The following ATP12A variants were observed in gnomAD, a reference collection of about 807,000 sequenced individuals.
The protein encoded by ATP12A is potassium-transporting ATPase alpha chain 2.
A neutral mutation model predicts 111.2 loss-of-function variants in ATP12A; 81 were observed. That is an observed-to-expected ratio of 0.73 (90% confidence interval 0.61 to 0.88). The LOEUF is 0.88. Among genes scored for constraint, ATP12A ranks in the 40% least tolerant of loss-of-function variants. ATP12A has a pLI of 0.00. For missense variants in ATP12A, 1,196 were observed against 1,313.1 expected, an observed-to-expected ratio of 0.91 and a Z score of 1.38; for synonymous variants, 498 against 499.8, an observed-to-expected ratio of 1.00 and a Z score of 0.05.
intron 2 of ATP12A, among the ~76,000 whole-genome samples, chr13:24,683,616 G>T (rs1166178552): frequency 6.6e-6 from 1 of 152,188 alleles, no homozygotes; most frequent in Non-Finnish European, 1.5e-5. Flanking sequence ...TCTATCATGA[G>T]AGACATTTAA....
chr13:24,698,287 A>T (rs1875251226), intron 11 of ATP12A, among the ~76,000 whole-genome samples: 1 of 152,086 alleles, frequency 6.6e-6, no homozygotes. Context: ...TTTGGGTCTG[A>T]AAGACGGCTG....
At position 24,692,476 on chromosome 13, in the gene ATP12A, G is replaced by A. The variant is rs754694161; in HGVS notation, c.1116G>A (p.Leu372=). ...TAKRMAKKNC[L]VKNLEAVETL... ...AACGGATGGCCAAGAAGAACTGCCT[G>A]GTGAAGAACCTGGAGGCTGTGGAGA... Residue 372 remains leucine, a synonymous_variant, in exon 9 of 23, where the codon CTG becomes CTA. Coordinates refer to ENST00000381946, the MANE Select transcript of ATP12A (RefSeq NM_001676.7). The A allele has an allele frequency of 3.1e-6, 5 of 1,614,034 alleles. No individual in the cohort carries two copies.
At chr13:24,708,671 T>C (rs1875771510) in intron 17 of ATP12A, among the ~76,000 whole-genome samples, 1 of 151,846 alleles carries the variant, frequency 6.6e-6, no homozygotes, top group Non-Finnish European at 1.5e-5. Flanking sequence ...GCTCAGGAGT[T>C]TGAGTCCAGC....
Position 24,681,620 on chromosome 13 carries a change from A to T in ATP12A, c.68A>T (p.Asp23Val). The change falls in exon 2 of 23, where the codon GAC (aspartate) becomes GTC (valine). Residue 23 changes from aspartate to valine, a missense_variant. Asp to Val is a radical substitution (Grantham distance 152, BLOSUM62 -3). Around this residue, in one of 3 missense-constraint regions of ATP12A, gnomAD observed 67 missense variants for 64.0 expected, o/e 1.05. Transcript: ENST00000381946. The part of the protein sequence containing the change: ...LSGTKDIVKT[D>V]KGDGKEKYRG... ...GGAACTAAGGACATCGTGAAAACAGACAAGGGGGATGGCAAGGAGAAGTAT... is the reference window on the plus strand; with the variant it reads ...GGAACTAAGGACATCGTGAAAACAGTCAAGGGGGATGGCAAGGAGAAGTAT... 2 of 1,614,220 alleles carry T rather than the reference A, an allele frequency of 1.2e-6. No individual in the cohort carries two copies. Among genetic ancestry groups the T allele is most frequent in the African/African-American group, 2.7e-5 (2 of 75,064 alleles).
At chr13:24,688,995 AGC>A (rs1874769337) in intron 4 of ATP12A, among the ~76,000 whole-genome samples, 1 of 152,046 alleles carries the variant, frequency 6.6e-6, no homozygotes, top group Non-Finnish European at 1.5e-5. Flanking sequence ...ATGGGACAGG[AGC>A]AGGGAGTGAC....
rs780560104 is a variant in ATP12A, at chr13:24,707,109, A to G, written c.2256A>G (p.Ala752=). 6.2e-7 allele frequency: 1 copy of G among 1,614,142 alleles called. No homozygotes were observed. ...KADIGIAMGI[A]GSDAAKNAAD... ...ACATTGGGATTGCCATGGGGATAGC[A>G]GGTTCTGATGCAGCCAAAAATGCAG... The change falls in exon 16 of 23, where the codon GCA becomes GCG. Residue 752 remains alanine (A), a synonymous_variant. Coordinates refer to ENST00000381946, the MANE Select transcript of ATP12A (RefSeq NM_001676.7).
rs1048068565 is a variant in ATP12A, at chr13:24,707,419, T to G, written c.2479T>G (p.Leu827Val). 1.2e-6 allele frequency: 2 copies of G among 1,614,200 alleles called. No homozygotes were observed. The highest frequency in any genetic ancestry group is 1.7e-6 in the Non-Finnish European group (2 of 1,180,028). ...CACCATCACCATTCTGTTCATTGAC[T>G]TGGGGACAGACATTGTAAGTGACAC... ...IGTITILFID[L>V]GTDIIPSIAL... Residue 827 changes from leucine to valine, a missense_variant, in exon 17 of 23, where the codon TTG (leucine) becomes GTG (valine). Leu to Val is a conservative substitution (Grantham distance 32). This residue lies in a region of ATP12A where 1,126 missense variants were observed against 1,228.5 expected (regional missense o/e 0.92). Transcript: ENST00000381946.
At position 24,689,744 on chromosome 13, in the gene ATP12A, A is replaced by T. The variant is rs144261297; in HGVS notation, c.546+369A>T. Among the ~76,000 whole-genome samples the T allele has an allele frequency of 4.6e-5, 7 of 152,238 alleles. No individual in the cohort carries two copies. The East Asian group carries it at 1.4e-3, about 29-fold the overall frequency. On this transcript the variant is annotated intron_variant, in intron 5 of 22. Transcript: ENST00000381946. The stretch of plus-strand genomic sequence containing the variant: ...ACCATTTTTGCTCCTGAGCCCCAGA[A>T]TGCATTTGGTGGGGAAGCCCAGTGC...
Position 24,706,325 on chromosome 13 carries a change from C to A in ATP12A, c.2031C>A (p.Ala677=), listed in dbSNP as rs367814094. The change falls in exon 15 of 23, where the codon GCC becomes GCA. Residue 677 remains alanine (A), a synonymous_variant. Coordinates refer to ENST00000381946, the MANE Select transcript of ATP12A (RefSeq NM_001676.7). ...CTGGCCCTTCTAGGGATGCCAAGGC[C>A]GCTGTGGTGACTGGCATGGAGCTGA... ...VEQVNKRDAK[A]AVVTGMELKD... 1.9e-6 allele frequency: 3 copies of A among 1,614,016 alleles called. No homozygotes were observed. Among genetic ancestry groups the A allele is most frequent in the East Asian group, 4.5e-5 (2 of 44,884 alleles).
intron 12 of ATP12A, among the ~76,000 whole-genome samples, chr13:24,700,247 T>C (rs1875336677): frequency 1.3e-5 from 2 of 152,188 alleles, no homozygotes; most frequent in Admixed American, 6.5e-5. Flanking sequence ...GCCCCTCCGC[T>C]GAACCCCCTT....
At chr13:24,711,126 C>G (rs771254112) in intron 21 of ATP12A, among the ~76,000 whole-genome samples, 192 bp from the exon 22 acceptor site, 28 of 152,244 alleles carry the variant, frequency 1.8e-4, no homozygotes, top group Non-Finnish European at 1.2e-4. Flanking sequence ...GCTTCAAAGG[C>G]AGACATTGCT....
intron 21 of ATP12A, 111 bp downstream of exon 21, chr13:24,711,004 C>A: frequency 2.0e-6 from 2 of 975,846 alleles, no homozygotes; most frequent in South Asian, 1.5e-5. Context: ...TTTCAAAAGA[C>A]GTCAAACTGA....
chr13:24,711,289 G>A, intron 21 of ATP12A, 29 bp from the exon 22 acceptor site: 1 of 1,568,810 alleles, frequency 6.4e-7, no homozygotes, highest in Non-Finnish European at 8.7e-7. Flanking sequence ...GGATGAGTCA[G>A]GGTTCACTTT....
chr13:24,682,959 C>CTTTTTTTTTTTTTTTTTTT, intron 2 of ATP12A, among the ~76,000 whole-genome samples: 1 of 139,054 alleles, frequency 7.2e-6, no homozygotes, highest in Non-Finnish European at 1.6e-5. Flanking sequence ...TAAAACTAGC[C>CTTTTTTTTTTTTTTTTTTT]TTTTTTTTTT....
chr13:24,710,701 G>A, intron 20 of ATP12A, 91 bp from the exon 21 acceptor site: 1 of 1,601,058 alleles, frequency 6.2e-7, no homozygotes, highest in Non-Finnish European at 8.5e-7. Context: ...TAACCCCAGA[G>A]GCATTGATTT....
At chr13:24,691,566 G>A (rs1211434189) in intron 8 of ATP12A, among the ~76,000 whole-genome samples, 4 of 151,910 alleles carry the variant, frequency 2.6e-5, no homozygotes, top group Admixed American at 6.6e-5. Context: ...GATGCCTTCC[G>A]CACATTTCTT....
intron 3 of ATP12A, among the ~76,000 whole-genome samples, chr13:24,687,638 G>A (rs1199681864): frequency 6.6e-6 from 1 of 152,238 alleles, no homozygotes; most frequent in Non-Finnish European, 1.5e-5. Context: ...CAGGGCAGGG[G>A]CTGCTCACAT....
chr13:24,686,024 C>G (rs1409335789), intron 3 of ATP12A, among the ~76,000 whole-genome samples: 2 of 152,006 alleles, frequency 1.3e-5, no homozygotes, highest in Non-Finnish European at 2.9e-5. Flanking sequence ...GAGGTGCTTT[C>G]ATTGGTTTTC....
At position 24,707,153 on chromosome 13, in the gene ATP12A, A is replaced by G. The variant is rs762808986; in HGVS notation, c.2300A>G (p.Asp767Gly). 4 of 1,614,142 alleles carry G rather than the reference A, an allele frequency of 2.5e-6. No homozygotes were observed. The South Asian group carries it at 4.4e-5, about 18-fold the overall frequency. Residue 767 changes from aspartate to glycine, a missense_variant, in exon 16 of 23, where the codon GAC (aspartate) becomes GGC (glycine). Asp to Gly is a moderately conservative substitution (Grantham distance 94, BLOSUM62 -1). Coordinates refer to ENST00000381946, the MANE Select transcript of ATP12A (RefSeq NM_001676.7). ...AATGCAGCCGACATGGTCTTGCTGG[A>G]CGACAACTTCGCATCCATCGTCACA... is the stretch of plus-strand genomic sequence containing the variant. ...AKNAADMVLLDDNFASIVTGV... is the reference protein window; with the variant it reads ...AKNAADMVLLGDNFASIVTGV...
Sources: allele counts gnomAD v4.1 joint callset (sites outside exome capture counted in the v4.1 genomes callset), GRCh38; gene constraint gnomAD v4.1.1; regional missense constraint gnomAD v4.1.1; transcripts MANE v1.5; gene names NCBI Gene and HGNC (gene_info 2026-07-23, HGNC 2026-07-21).